Variants in SEC14L5 observed in about 807,000 individuals in gnomAD.
SEC14L5 encodes the protein SEC14-like protein 5.
SEC14L5 carries 96 observed loss-of-function variants against 84.6 expected under a neutral mutation model. The observed-to-expected ratio is 1.13, with a 90% CI of 0.96 to 1.34. The LOEUF is 1.34. SEC14L5 is among the 40% of genes most tolerant of loss of function. SEC14L5 has a pLI of 0.00. For missense variants in SEC14L5, 1,224 were observed against 942.5 expected, an observed-to-expected ratio of 1.30 and a Z score of -3.91; for synonymous variants, 546 against 383.4, an observed-to-expected ratio of 1.42 and a Z score of -4.95.
intron 2 of SEC14L5, among the ~76,000 whole-genome samples, chr16:4,966,286 T>G (rs1442465279): frequency 1.4e-5 from 2 of 138,618 alleles, no homozygotes; most frequent in African/African-American, 5.4e-5. Flanking sequence ...TTTTTTTTTT[T>G]TTTTTGAGAT....
At chr16:4,987,800 T>G in intron 3 of SEC14L5, 94 bp downstream of exon 3, 1 of 962,526 alleles carries the variant, frequency 1.0e-6, no homozygotes, top group Non-Finnish European at 1.5e-6. Flanking sequence ...GGCGGCGGGG[T>G]CCAGGAGGTG....
chr16:4,984,553 G>T (rs1011685437), intron 2 of SEC14L5, among the ~76,000 whole-genome samples: 4 of 152,152 alleles, frequency 2.6e-5, no homozygotes, highest in Non-Finnish European at 5.9e-5. Flanking sequence ...ACATACCTAT[G>T]AGTGGAATTG....
At chr16:4,970,937 G>A (rs1210263450) in intron 2 of SEC14L5, among the ~76,000 whole-genome samples, 2 of 152,068 alleles carry the variant, frequency 1.3e-5, no homozygotes, top group African/African-American at 4.8e-5. Flanking sequence ...GTGAAACCCC[G>A]TCTCTACTAA....
chr16:4,988,066 G>T, intron 3 of SEC14L5, 83 bp from the exon 4 acceptor site: 1 of 1,480,910 alleles, frequency 6.8e-7, no homozygotes, highest in South Asian at 1.2e-5. Context: ...GGGTGACTGG[G>T]GCAGGCCCGC....
chr16:4,993,160 A>G (rs2142508932), intron 6 of SEC14L5, among the ~76,000 whole-genome samples: 1 of 152,234 alleles, frequency 6.6e-6, no homozygotes, highest in South Asian at 2.1e-4. Flanking sequence ...CTCCTGCCCC[A>G]GCTTCCTGAG....
At position 4,996,338 on chromosome 16, in the gene SEC14L5, C is replaced by G; in HGVS notation, c.668-10C>G. ...CCCTCTTGTCCTGAAGCTCCCCCTT[C>G]TCCTCCAAGGGGACAAGCTGGATGC... On this transcript the variant is annotated splice_polypyrimidine_tract_variant and intron_variant, in intron 6 of 15. Coordinates refer to ENST00000251170, the MANE Select transcript of SEC14L5 (RefSeq NM_014692.2). The G allele has an allele frequency of 6.6e-7, 1 of 1,509,218 alleles. No homozygotes were observed. The highest frequency in any genetic ancestry group is 1.4e-5 in the African/African-American group (1 of 72,370). The allele number at this position is 1,509,218 out of a possible 1,614,324, so 93.5% of individuals were successfully genotyped here.
chr16:4,969,221 C>T (rs1035387645), intron 2 of SEC14L5, among the ~76,000 whole-genome samples: 5 of 152,196 alleles, frequency 3.3e-5, no homozygotes, highest in African/African-American at 1.2e-4. Flanking sequence ...AGTGTAAGGC[C>T]CTCGTGCATT....
At chr16:4,969,730 CCTTGTTTA>C (rs1428220002) in intron 2 of SEC14L5, among the ~76,000 whole-genome samples, 1 of 151,976 alleles carries the variant, frequency 6.6e-6, no homozygotes, top group Non-Finnish European at 1.5e-5. Flanking sequence ...TCATTTGTTT[CCTTGTTTA>C]CTTGTTTATA....
At chr16:4,967,304 A>G (rs900961119) in intron 2 of SEC14L5, among the ~76,000 whole-genome samples, 11 of 152,252 alleles carry the variant, frequency 7.2e-5, no homozygotes, top group African/African-American at 2.6e-4. Context: ...CACTGTGTCC[A>G]GATTTCCGTT....
chr16:4,997,109 A>G lies in SEC14L5; in HGVS notation c.970+65A>G, dbSNP rs915205439. On this transcript the variant is annotated intron_variant, in intron 8 of 15. Coordinates refer to ENST00000251170, the MANE Select transcript of SEC14L5 (RefSeq NM_014692.2). ...GGTCACTGCCAAATGCACTTTATTTATTATTTTGAGATGGGGTCTCACTCT... is the reference window on the plus strand; with the variant it reads ...GGTCACTGCCAAATGCACTTTATTTGTTATTTTGAGATGGGGTCTCACTCT... 54 of 1,219,082 alleles carry G rather than the reference A, an allele frequency of 4.4e-5. 1 individual carries two copies. Among genetic ancestry groups the G allele is most frequent in the Non-Finnish European group, 4.7e-5 (42 of 897,164 alleles). 75.5% of individuals were successfully genotyped at this position (1,219,082 alleles called of 1,614,324 possible). A position where few individuals can be genotyped will look rare whatever the true frequency, so the allele number is the denominator to read the frequency against.
intron 2 of SEC14L5, among the ~76,000 whole-genome samples, chr16:4,966,513 A>G (rs1041403741): frequency 5.3e-5 from 8 of 151,586 alleles, no homozygotes; most frequent in South Asian, 2.1e-4. Flanking sequence ...GACCTCAGGT[A>G]ATCACCCGAC....
rs1352085509 is a variant in SEC14L5, at chr16:5,006,075, C to T, written c.1437+27C>T. 3.1e-6 allele frequency: 5 copies of T among 1,610,636 alleles called. No individual in the cohort carries two copies. In the African/African-American group the frequency reaches 5.4e-5, roughly 17 times the overall value. The stretch of plus-strand genomic sequence containing the variant: ...TGAGGCTTCCATGTCCACAGACAGA[C>T]CTGGGCTTGAGGAGGGGGCATGCCT... On this transcript the variant is annotated intron_variant, in intron 12 of 15. Coordinates refer to ENST00000251170, the MANE Select transcript of SEC14L5 (RefSeq NM_014692.2).
rs1294675989 is a variant in SEC14L5, at chr16:5,008,546, G to C, written c.1698G>C (p.Gly566=). 3.7e-6 allele frequency: 6 copies of C among 1,609,536 alleles called. No homozygotes were observed. Among genetic ancestry groups the C allele is most frequent in the Non-Finnish European group, 4.2e-6 (5 of 1,178,336 alleles). The stretch of plus-strand genomic sequence containing the variant: ...CCAGGCTGGGCGCCCGGGAACCGGG[G>C]ACCAGGGCCAGCGGGCAGCTGATCG... The part of the protein sequence containing the change: ...QAPRLGAREP[G]TRASGQLIDK... Residue 566 remains glycine, a synonymous_variant, in exon 14 of 16, where the codon GGG becomes GGC. Coordinates refer to ENST00000251170, the MANE Select transcript of SEC14L5 (RefSeq NM_014692.2).
At chr16:4,997,952 A>G (rs187343109) in intron 8 of SEC14L5, among the ~76,000 whole-genome samples, 1 of 149,080 alleles carries the variant, frequency 6.7e-6, no homozygotes, top group Admixed American at 6.7e-5. Context: ...GTGTGATTTT[A>G]TCTTGAGATC....
chr16:4,972,747 CGTG>C, intron 2 of SEC14L5, among the ~76,000 whole-genome samples: 2 of 152,328 alleles, frequency 1.3e-5, no homozygotes, highest in Middle Eastern at 6.8e-3. Flanking sequence ...TTGATGGACA[CGTG>C]GGTGTTTTCC....
chr16:4,993,149 C>G (rs897399860), intron 6 of SEC14L5, among the ~76,000 whole-genome samples: 10 of 152,102 alleles, frequency 6.6e-5, no homozygotes, highest in African/African-American at 2.2e-4. Context: ...CTCAAACGAT[C>G]CTCCTGCCCC....
chr16:4,993,220 T>C (rs1955571278), intron 6 of SEC14L5, among the ~76,000 whole-genome samples: 2 of 152,054 alleles, frequency 1.3e-5, no homozygotes, highest in Admixed American at 1.3e-4. Flanking sequence ...AATTTATTTT[T>C]ACTTTTATTT....
At position 4,990,831 on chromosome 16, in the gene SEC14L5, T is replaced by A; in HGVS notation, c.410T>A (p.Phe137Tyr). 6.2e-7 allele frequency: 1 copy of A among 1,612,186 alleles called. No individual in the cohort carries two copies. Among genetic ancestry groups the A allele is most frequent in the Non-Finnish European group, 8.5e-7 (1 of 1,179,048 alleles). Residue 137 changes from phenylalanine to tyrosine, a missense_variant, in exon 5 of 16, where the codon TTC becomes TAC. By Grantham distance (22) the Phe-to-Tyr change is conservative. Transcript: ENST00000251170. ...TCTGCCTCACTGGACATTCGGTCTT[T>A]CTTTGGCTTTGAAAATGCCTTGGAG... ...EQSASLDIRSFFGFENALEKI... is the reference protein window; with the variant it reads ...EQSASLDIRSYFGFENALEKI...
intron 2 of SEC14L5, among the ~76,000 whole-genome samples, chr16:4,961,914 A>T (rs1955126243): frequency 1.3e-5 from 2 of 152,102 alleles, no homozygotes; most frequent in African/African-American, 4.8e-5. Context: ...CCTTAAACTA[A>T]GGGTGATTAT....
Sources: allele counts gnomAD v4.1 joint callset (sites outside exome capture counted in the v4.1 genomes callset), GRCh38; gene constraint gnomAD v4.1.1; transcripts MANE v1.5; gene names NCBI Gene and HGNC (gene_info 2026-07-23, HGNC 2026-07-21).